The following CDKAL1 variants were observed in gnomAD, a reference collection of about 807,000 sequenced individuals.
The protein encoded by CDKAL1 is CDKAL1 threonylcarbamoyladenosine tRNA methylthiotransferase, also known as threonylcarbamoyladenosine tRNA methylthiotransferase.
Under a neutral mutation model 68.2 loss-of-function variants are expected in CDKAL1, and 32 were observed. The observed-to-expected ratio is 0.47, with a 90% CI of 0.35 to 0.63. The LOEUF (loss-of-function observed/expected upper bound fraction) is 0.63, where lower values mean the gene tolerates loss of function less well. Among genes scored for constraint, CDKAL1 ranks in the 30% least tolerant of loss-of-function variants. CDKAL1 has a pLI of 0.00. For missense variants in CDKAL1, 606 were observed against 696.7 expected, an observed-to-expected ratio of 0.87 and a Z score of 1.47; for synonymous variants, 234 against 244.3, an observed-to-expected ratio of 0.96 and a Z score of 0.39.
rs1765173376 is a variant in CDKAL1, at chr6:20,582,322, T to G, written c.286+33617T>G. Among the ~76,000 whole-genome samples, 3 of 152,196 alleles carry G rather than the reference T, an allele frequency of 2.0e-5. No individual in the cohort carries two copies. In the South Asian group the frequency reaches 6.2e-4, roughly 31 times the overall value. ...ACCTCCATTTTCCCAATGAGAATAT[T>G]AAATAAATTGTTTTGACTAACTTGA... is the stretch of plus-strand genomic sequence containing the variant. On this transcript the variant is annotated intron_variant, in intron 4 of 15. Coordinates refer to ENST00000274695, the MANE Select transcript of CDKAL1 (RefSeq NM_017774.3).
intron 10 of CDKAL1, among the ~76,000 whole-genome samples, chr6:20,992,446 A>G (rs1766879480): frequency 6.6e-6 from 1 of 152,142 alleles, no homozygotes; most frequent in Non-Finnish European, 1.5e-5. Context: ...TAGCAAGGCT[A>G]TGCCATTAGA....
intron 5 of CDKAL1, among the ~76,000 whole-genome samples, chr6:20,708,088 T>G (rs1011594836): frequency 6.6e-6 from 1 of 152,238 alleles, no homozygotes; most frequent in Admixed American, 6.5e-5. Flanking sequence ...TTTAGTCAAG[T>G]GCTTATGACT....
At chr6:20,590,706 A>G (rs552716436) in intron 4 of CDKAL1, among the ~76,000 whole-genome samples, 1 of 152,314 alleles carries the variant, frequency 6.6e-6, no homozygotes, top group South Asian at 2.1e-4. Context: ...TTATGGCTGT[A>G]TAGTATTCCA....
At chr6:20,831,674 T>C (rs1777723666) in intron 8 of CDKAL1, among the ~76,000 whole-genome samples, 1 of 152,198 alleles carries the variant, frequency 6.6e-6, no homozygotes, top group African/African-American at 2.4e-5. Flanking sequence ...TCCTCATCAG[T>C]TGTTGTATAC....
chr6:20,837,166 C>G (rs1019852558), intron 8 of CDKAL1, among the ~76,000 whole-genome samples: 13 of 152,170 alleles, frequency 8.5e-5, no homozygotes, highest in Admixed American at 6.5e-5. Context: ...AACATGTCAT[C>G]TCTCTTCCTT....
intron 4 of CDKAL1, among the ~76,000 whole-genome samples, chr6:20,622,314 A>G (rs933893474): frequency 2.6e-5 from 4 of 152,064 alleles, no homozygotes; most frequent in African/African-American, 4.8e-5. Flanking sequence ...AAAATTCTTC[A>G]TGGTTACTAT....
intron 4 of CDKAL1, among the ~76,000 whole-genome samples, chr6:20,584,923 C>T (rs114427093): frequency 0.028 from 4,237 of 152,302 alleles, 176 homozygotes; most frequent in African/African-American, 0.09. Flanking sequence ...CTTGTATACT[C>T]ATCCTGTCTC....
intron 13 of CDKAL1, among the ~76,000 whole-genome samples, chr6:21,175,494 T>C (rs1777541696): frequency 6.6e-6 from 1 of 152,178 alleles, no homozygotes; most frequent in African/African-American, 2.4e-5. Flanking sequence ...GAGACAAATT[T>C]AGCACTCAAT....
intron 10 of CDKAL1, among the ~76,000 whole-genome samples, chr6:20,995,201 C>T (rs1232335604): frequency 6.6e-6 from 1 of 152,156 alleles, no homozygotes; most frequent in Non-Finnish European, 1.5e-5. Context: ...CCATTGAAGT[C>T]TTGAACCCCT....
intron 8 of CDKAL1, among the ~76,000 whole-genome samples, chr6:20,835,481 TTTGTCTTGTCTTGTC>T (rs143490469): frequency 3.6e-4 from 54 of 149,770 alleles, no homozygotes; most frequent in African/African-American, 5.2e-4. Flanking sequence ...CTTTGCTTTG[TTTGTCTTGTCTTGTC>T]TTGTCTTGTC....
At chr6:21,167,710 AT>A (rs1777208609) in intron 13 of CDKAL1, among the ~76,000 whole-genome samples, 1 of 152,220 alleles carries the variant, frequency 6.6e-6, no homozygotes, top group Non-Finnish European at 1.5e-5. Context: ...TTATTAATGG[AT>A]GGCCATGTGA....
chr6:20,736,800 G>A lies in CDKAL1; in HGVS notation c.372-2719G>A, dbSNP rs180991431. 5.9e-5 allele frequency among the ~76,000 whole-genome samples: 9 copies of A among 151,746 alleles called. No homozygotes were observed. The East Asian group carries it at 7.8e-4, about 13-fold the overall frequency. ...AAAAAAAAAAATTTCCTCCACATGC[G>A]TTCTGGTTCTCTGATCCTTTTGCCT... On this transcript the variant is annotated intron_variant, in intron 5 of 15. Transcript: ENST00000274695.
intron 9 of CDKAL1, among the ~76,000 whole-genome samples, chr6:20,950,164 C>T (rs1178804409): frequency 2.0e-5 from 3 of 152,032 alleles, no homozygotes; most frequent in Non-Finnish European, 2.9e-5. Flanking sequence ...GCATAGTGGC[C>T]GGAGCTATAG....
chr6:21,134,059 G>T (rs1304776318), intron 13 of CDKAL1, among the ~76,000 whole-genome samples: 3 of 152,174 alleles, frequency 2.0e-5, no homozygotes, highest in Non-Finnish European at 4.4e-5. Flanking sequence ...ATTTGCCGGG[G>T]TCGTGGGGGC....
chr6:20,891,736 T>C (rs1761414825), intron 9 of CDKAL1, among the ~76,000 whole-genome samples: 1 of 152,126 alleles, frequency 6.6e-6, no homozygotes. Context: ...GGTTTCACCA[T>C]GTTGGCCATG....
chr6:20,778,237 G>A (rs1204928501), intron 7 of CDKAL1, among the ~76,000 whole-genome samples: 1 of 152,132 alleles, frequency 6.6e-6, no homozygotes, highest in East Asian at 1.9e-4. Flanking sequence ...GTTCTTAGAT[G>A]TGACACCAAA....
At chr6:20,720,702 G>C (rs1358218185) in intron 5 of CDKAL1, among the ~76,000 whole-genome samples, 1 of 152,156 alleles carries the variant, frequency 6.6e-6, no homozygotes, top group African/African-American at 2.4e-5. Flanking sequence ...GTTTCACCAT[G>C]TTGGCCAGGC....
At chr6:20,590,590 G>A (rs555253794) in intron 4 of CDKAL1, among the ~76,000 whole-genome samples, 75 of 151,976 alleles carry the variant, frequency 4.9e-4, no homozygotes, top group African/African-American at 1.7e-3. Context: ...TCCCACTTAT[G>A]AGTGAGAACA....
chr6:20,673,991 T>C (rs959878980), intron 5 of CDKAL1, among the ~76,000 whole-genome samples: 1 of 152,208 alleles, frequency 6.6e-6, no homozygotes, highest in Admixed American at 6.5e-5. Flanking sequence ...GTAAATATTT[T>C]TTTTTCTGCC....
Sources: allele counts gnomAD v4.1 joint callset (sites outside exome capture counted in the v4.1 genomes callset), GRCh38; gene constraint gnomAD v4.1.1; transcripts MANE v1.5; gene names NCBI Gene and HGNC (gene_info 2026-07-23, HGNC 2026-07-21).